The following MOB1B variants were observed in gnomAD, a reference collection of about 807,000 sequenced individuals.
The protein encoded by MOB1B is MOB kinase activator 1B.
Under a neutral mutation model 24.4 loss-of-function variants are expected in MOB1B, and 19 were observed. That is an observed-to-expected ratio of 0.78 (90% confidence interval 0.54 to 1.14). MOB1B has a LOEUF of 1.14. Among genes scored for constraint, MOB1B ranks in the 50% most tolerant of loss-of-function variants. The probability of loss-of-function intolerance (pLI) is 0.00; values close to 1 mark genes in which losing one functional copy is unlikely to be tolerated. For synonymous variants in MOB1B, 76 were observed against 82.1 expected (o/e 0.93, Z 0.40); for missense variants, 243 against 259.6 (o/e 0.94, Z 0.44).
intron 1 of MOB1B, among the ~76,000 whole-genome samples, chr4:70,928,192 A>G (rs1736728885): frequency 6.6e-6 from 1 of 152,030 alleles, no homozygotes; most frequent in African/African-American, 2.4e-5. Context: ...CTCTTTGAAG[A>G]TGGGGCATTT....
chr4:70,964,653 G>A (rs554481106), intron 2 of MOB1B, among the ~76,000 whole-genome samples: 4 of 152,286 alleles, frequency 2.6e-5, no homozygotes, highest in African/African-American at 9.6e-5. Context: ...GGTGAGGCCG[G>A]GTGCGGTGGT....
intron 1 of MOB1B, chr4:70,958,597 G>A: frequency 2.1e-6 from 1 of 478,084 alleles, no homozygotes; most frequent in South Asian, 1.7e-5. Flanking sequence ...GGAGTGAAAG[G>A]AATACAATAA....
chr4:70,976,646 C>A, intron 4 of MOB1B: 1 of 971,152 alleles, frequency 1.0e-6, no homozygotes, highest in Non-Finnish European at 1.2e-6. Context: ...AAAAATGTGA[C>A]AACAATATAA....
intron 4 of MOB1B, among the ~76,000 whole-genome samples, chr4:70,978,746 T>A (rs1411394265): frequency 6.6e-6 from 1 of 152,196 alleles, no homozygotes; most frequent in South Asian, 2.1e-4. Flanking sequence ...TAAACAAAAC[T>A]GAAGGTGGTT....
rs1452861679 is a variant in MOB1B at position 70,983,462 on chromosome 4, GAATA to G, written c.*1410_*1413del. ...AACAATTTCAGAAACTTAGTTTTTA[GAATA>G]AATATTAATTTTTCCACTTCAGTTT... is the stretch of plus-strand genomic sequence containing the variant. On this transcript the variant is annotated 3_prime_UTR_variant, in exon 6 of 6. Transcript: ENST00000309395. 6.6e-6 allele frequency: 1 copy of G among 152,184 alleles called. No homozygotes were observed. Among genetic ancestry groups the G allele is most frequent in the East Asian group, 1.9e-4 (1 of 5,200 alleles). 9.4% of individuals were successfully genotyped at this position (152,184 alleles called of 1,614,324 possible). A position where few individuals can be genotyped will look rare whatever the true frequency, so the allele number is the denominator to read the frequency against.
At chr4:70,928,019 T>C (rs1021244025) in intron 1 of MOB1B, among the ~76,000 whole-genome samples, 1 of 152,174 alleles carries the variant, frequency 6.6e-6, no homozygotes, top group African/African-American at 2.4e-5. Context: ...CTGGCTGTTA[T>C]TCTTCTCCTC....
intron 1 of MOB1B, among the ~76,000 whole-genome samples, chr4:70,942,566 A>T (rs1189743043): frequency 6.6e-6 from 1 of 152,194 alleles, no homozygotes; most frequent in African/African-American, 2.4e-5. Context: ...GAAAAAGAAT[A>T]AACCTAAACT....
intron 1 of MOB1B, among the ~76,000 whole-genome samples, chr4:70,928,298 TG>T (rs1362392543): frequency 6.6e-6 from 1 of 151,604 alleles, no homozygotes. Context: ...TCAAGAATTT[TG>T]TTTTTTTTTT....
intron 1 of MOB1B, among the ~76,000 whole-genome samples, chr4:70,928,647 A>T (rs1461367338): frequency 6.6e-6 from 1 of 152,144 alleles, no homozygotes; most frequent in Non-Finnish European, 1.5e-5. Flanking sequence ...GATTCTCCTC[A>T]GTCTGTTGTA....
chr4:70,910,995 C>G (rs988607822), intron 1 of MOB1B, among the ~76,000 whole-genome samples: 1 of 152,152 alleles, frequency 6.6e-6, no homozygotes, highest in South Asian at 2.1e-4. Flanking sequence ...ACCATATTGG[C>G]CAGGCTGTTC....
chr4:70,943,427 A>G (rs1398326061), intron 1 of MOB1B, among the ~76,000 whole-genome samples: 1 of 152,208 alleles, frequency 6.6e-6, no homozygotes, highest in Non-Finnish European at 1.5e-5. Flanking sequence ...AGCTCACATC[A>G]TTTCTTATAG....
At chr4:70,981,921 G>T in intron 5 of MOB1B, 59 bp from the exon 6 acceptor site, 1 of 1,098,714 alleles carries the variant, frequency 9.1e-7, no homozygotes, top group South Asian at 1.3e-5. Context: ...ATTTACTTTG[G>T]AATAAGATGC....
At chr4:70,956,492 G>A (rs773167354) in intron 1 of MOB1B, among the ~76,000 whole-genome samples, 2 of 152,046 alleles carry the variant, frequency 1.3e-5, no homozygotes, top group African/African-American at 2.4e-5. Flanking sequence ...AAGCAGTGGC[G>A]TGATCTTGGT....
At chr4:70,917,890 A>G (rs1736258020) in intron 1 of MOB1B, among the ~76,000 whole-genome samples, 2 of 152,228 alleles carry the variant, frequency 1.3e-5, no homozygotes, top group Admixed American at 6.5e-5. Context: ...AGTTGGTTTA[A>G]AATGAAAATT....
intron 1 of MOB1B, among the ~76,000 whole-genome samples, chr4:70,943,243 G>T (rs556227650): frequency 1.6e-4 from 24 of 152,162 alleles, no homozygotes; most frequent in African/African-American, 5.8e-4. Flanking sequence ...TAGCTAAATG[G>T]GGTGGTTCAG....
At chr4:70,975,788 C>T (rs972552308) in intron 4 of MOB1B, 20 of 948,264 alleles carry the variant, frequency 2.1e-5, no homozygotes, top group Non-Finnish European at 2.4e-5. Flanking sequence ...AATTACCATA[C>T]ATAACATATA....
At chr4:70,907,605 G>A (rs1187228494) in intron 1 of MOB1B, among the ~76,000 whole-genome samples, 1 of 152,102 alleles carries the variant, frequency 6.6e-6, no homozygotes, top group Non-Finnish European at 1.5e-5. Context: ...CTGAGGGGGT[G>A]GAACCTTGAG....
At chr4:70,908,135 C>T (rs1560625957) in intron 1 of MOB1B, among the ~76,000 whole-genome samples, 1 of 151,480 alleles carries the variant, frequency 6.6e-6, no homozygotes. Flanking sequence ...ACGCCATTCT[C>T]CTGCCTCAGC....
chr4:70,952,218 A>G (rs1460152964), intron 1 of MOB1B, among the ~76,000 whole-genome samples: 1 of 151,962 alleles, frequency 6.6e-6, no homozygotes, highest in African/African-American at 2.4e-5. Flanking sequence ...ATATTATAAT[A>G]TAATATATAT....
Sources: gnomAD v4.1 joint callset for allele counts (sites outside exome capture counted in the v4.1 genomes callset) on GRCh38, gnomAD v4.1.1 for gene constraint, MANE v1.5 for transcripts, NCBI Gene and HGNC (gene_info 2026-07-23, HGNC 2026-07-21) for gene names.